CLVS1: variants seen among roughly 807,000 people sequenced by gnomAD.
The protein encoded by CLVS1 is clavesin 1.
CLVS1 carries 10 observed loss-of-function variants against 33.1 expected under a neutral mutation model. That is an observed-to-expected ratio of 0.30 (90% CI 0.19 to 0.51). CLVS1 has a LOEUF of 0.51. Ranked by LOEUF, CLVS1 falls within the 20% of genes least tolerant of loss-of-function variation. The pLI, the probability that CLVS1 is intolerant of heterozygous loss-of-function variation, is 0.97. For missense variants in CLVS1, 343 were observed against 433.4 expected, an observed-to-expected ratio of 0.79 and a Z score of 1.85; for synonymous variants, 163 against 166.1, an observed-to-expected ratio of 0.98 and a Z score of 0.14.
At chr8:60,991,089 C>A in the CLVS1 span, among the ~76,000 whole-genome samples, 3 of 152,024 alleles carry the variant, frequency 2.0e-5, no homozygotes, top group Non-Finnish European at 4.4e-5. Flanking sequence ...AGAAGCTTAC[C>A]ATCTGGTAGG....
chr8:61,149,571 A>AAAAAAAAAAAAAAAAAC (rs1252529979), intron 2 of CLVS1, among the ~76,000 whole-genome samples: 1 of 149,956 alleles, frequency 6.7e-6, no homozygotes, highest in Non-Finnish European at 1.5e-5. Flanking sequence ...AAAAAAAACA[A>AAAAAAAAAAAAAAAAAC]AAAACAAAAC....
chr8:61,142,396 T>G (rs577529342), intron 2 of CLVS1, among the ~76,000 whole-genome samples: 98 of 152,296 alleles, frequency 6.4e-4, no homozygotes, highest in Middle Eastern at 3.4e-3. Flanking sequence ...CTTTATAAAT[T>G]ACCCAGTCTC....
chr8:61,262,988 G>T (rs1445994871), intron 2 of CLVS1, among the ~76,000 whole-genome samples: 1 of 152,184 alleles, frequency 6.6e-6, no homozygotes, highest in East Asian at 1.9e-4. Flanking sequence ...TAAACCTGCT[G>T]TGCCACATTG....
At position 61,117,993 on chromosome 8, in the gene CLVS1, A is replaced by G. The variant is rs1443253790; in HGVS notation, c.-242-13777A>G. Among the ~76,000 whole-genome samples, 7 of 152,282 alleles carry G rather than the reference A, an allele frequency of 4.6e-5. No homozygotes were observed. The East Asian group carries it at 5.8e-4, about 13-fold the overall frequency. Reference sequence around the variant, plus strand: ...TCTGGTAGACTTCGGCTGTGAATCCATCTGGTCCTGGACTCTTTTTGGTTG... The same window carrying G: ...TCTGGTAGACTTCGGCTGTGAATCCGTCTGGTCCTGGACTCTTTTTGGTTG... On this transcript the variant is annotated intron_variant, in intron 1 of 2. Coordinates refer to the CLVS1 transcript ENST00000522621.
chr8:61,321,033 A>G (rs1286680941), intron 2 of CLVS1, among the ~76,000 whole-genome samples: 1 of 152,222 alleles, frequency 6.6e-6, no homozygotes, highest in Non-Finnish European at 1.5e-5. Flanking sequence ...CATTTAAAAC[A>G]TGCTTAAAAC....
intron 2 of CLVS1, among the ~76,000 whole-genome samples, chr8:61,353,936 A>G (rs1347149340): frequency 1.3e-5 from 2 of 151,998 alleles, no homozygotes; most frequent in African/African-American, 4.8e-5. Flanking sequence ...CATGAAAAGG[A>G]AAATGAAGGA....
In CLVS1 at chr8:61,416,330, A is replaced by G. The variant is rs1056135908; in HGVS notation, c.631-37811A>G. 2.0e-5 allele frequency among the ~76,000 whole-genome samples: 3 copies of G among 152,156 alleles called. No individual in the cohort carries two copies. In the South Asian group the frequency reaches 6.2e-4, roughly 32 times the overall value. ...GATACATACATACATACATACATAC[A>G]TACATACATACATACATACATACAT... On this transcript the variant is annotated intron_variant, in intron 3 of 5. Coordinates refer to ENST00000325897, the MANE Select transcript of CLVS1 (RefSeq NM_173519.3).
At chr8:61,229,533 G>C (rs920790969) in intron 2 of CLVS1, among the ~76,000 whole-genome samples, 2 of 152,232 alleles carry the variant, frequency 1.3e-5, no homozygotes, top group African/African-American at 4.8e-5. Context: ...CCCCATGCAT[G>C]ACACTGCACC....
At chr8:61,066,606 T>G (rs1563390143) in intron 1 of CLVS1, among the ~76,000 whole-genome samples, 1 of 152,196 alleles carries the variant, frequency 6.6e-6, no homozygotes, top group Non-Finnish European at 1.5e-5. Flanking sequence ...CCCAATACAT[T>G]TCTACTCCAC....
At chr8:61,166,190 C>T (rs561061550) in intron 2 of CLVS1, among the ~76,000 whole-genome samples, 4 of 151,866 alleles carry the variant, frequency 2.6e-5, no homozygotes, top group Admixed American at 1.3e-4. Flanking sequence ...TGCAGTGGCA[C>T]GATCTCGGCT....
intron 3 of CLVS1, among the ~76,000 whole-genome samples, chr8:61,450,069 G>A (rs7843003): frequency 0.011 from 1,700 of 152,262 alleles, 38 homozygotes; most frequent in African/African-American, 0.039. Flanking sequence ...ACACCTTTTT[G>A]CTAGATCATG....
intron 3 of CLVS1, among the ~76,000 whole-genome samples, chr8:61,417,794 T>C (rs1815499566): frequency 1.3e-5 from 2 of 152,216 alleles, no homozygotes; most frequent in Non-Finnish European, 2.9e-5. Flanking sequence ...AGCCATCTGA[T>C]GATAGCCATG....
chr8:61,181,442 G>C (rs1807225873), intron 2 of CLVS1, among the ~76,000 whole-genome samples: 1 of 152,048 alleles, frequency 6.6e-6, no homozygotes, highest in African/African-American at 2.4e-5. Context: ...ATTCCAATCA[G>C]ACTATCATTG....
chr8:61,203,492 C>T (rs926938596), intron 2 of CLVS1, among the ~76,000 whole-genome samples: 4 of 151,056 alleles, frequency 2.6e-5, no homozygotes, highest in Admixed American at 1.3e-4. Context: ...ACATGGAAAT[C>T]GTGGGGAGAC....
chr8:61,077,340 G>A (rs915728186), intron 1 of CLVS1, among the ~76,000 whole-genome samples: 2 of 151,846 alleles, frequency 1.3e-5, no homozygotes, highest in African/African-American at 4.8e-5. Context: ...CAAAGTGCTG[G>A]GATTACAGGC....
chr8:61,135,139 A>G (rs1806169370), intron 2 of CLVS1, among the ~76,000 whole-genome samples: 1 of 151,840 alleles, frequency 6.6e-6, no homozygotes, highest in East Asian at 1.9e-4. Context: ...AGCCAAAAAG[A>G]GAAAAGACTT....
rs73685724 is a variant in CLVS1, at chr8:61,108,600, C to A, written c.-242-23170C>A. ...CTTCCATGGGTAAGCCTAAGTCAGT[C>A]TGTTAGGGCTTCCAAGAGATCTCTT... On this transcript the variant is annotated intron_variant, in intron 1 of 2. Transcript: ENST00000522621. Among the ~76,000 whole-genome samples, 869 of 152,318 alleles carry A rather than the reference C, an allele frequency of 5.7e-3. 4 individuals are homozygous for A. The highest frequency in any genetic ancestry group is 0.019 in the African/African-American group (770 of 41,576).
At chr8:61,399,651 G>A (rs1397828800) in intron 3 of CLVS1, among the ~76,000 whole-genome samples, 1 of 152,008 alleles carries the variant, frequency 6.6e-6, no homozygotes, top group Non-Finnish European at 1.5e-5. Context: ...TTTCTTCTAG[G>A]GTTTTTATAG....
intron 1 of CLVS1, among the ~76,000 whole-genome samples, chr8:61,296,815 A>G (rs1044860409): frequency 2.0e-5 from 3 of 152,162 alleles, no homozygotes; most frequent in Admixed American, 6.5e-5. Flanking sequence ...GGTGAATGCA[A>G]TGAAGTCGCT....
Sources: gnomAD v4.1 joint callset for allele counts (sites outside exome capture counted in the v4.1 genomes callset) on GRCh38, gnomAD v4.1.1 for gene constraint, MANE v1.5 for transcripts, NCBI Gene and HGNC (gene_info 2026-07-23, HGNC 2026-07-21) for gene names.